PRKAR2B: variants seen among roughly 807,000 people sequenced by gnomAD.
PRKAR2B encodes the protein cAMP-dependent protein kinase type II-beta regulatory subunit.
A neutral mutation model predicts 49.9 loss-of-function variants in PRKAR2B; 14 were observed. That is an observed-to-expected ratio of 0.28 (90% CI 0.19 to 0.44). PRKAR2B has a LOEUF of 0.44. Among genes scored for constraint, PRKAR2B ranks in the 20% least tolerant of loss-of-function variants. The probability of loss-of-function intolerance (pLI) is 1.00; values close to 1 mark genes in which losing one functional copy is unlikely to be tolerated. For synonymous variants in PRKAR2B, 196 were observed against 197.7 expected, an observed-to-expected ratio of 0.99 and a Z score of 0.07; for missense variants, 393 against 537.9, an observed-to-expected ratio of 0.73 and a Z score of 2.67.
At chr7:107,059,261 T>C (rs1793979441) in intron 1 of PRKAR2B, among the ~76,000 whole-genome samples, 1 of 150,584 alleles carries the variant, frequency 6.6e-6, no homozygotes, top group South Asian at 2.1e-4. Context: ...AGAGTAAGAC[T>C]CTGTCTCAAA....
rs568982922 is a variant in PRKAR2B at position 107,072,385 on chromosome 7, T to G, written c.343+2069T>G. ...TTAATTATAAGAAAGAAAAGAGAAC[T>G]AATTTATGGAGTACCACTGATGGAT... On this transcript the variant is annotated intron_variant, in intron 2 of 10. Coordinates refer to ENST00000265717, the MANE Select transcript of PRKAR2B (RefSeq NM_002736.3). 1.4e-4 allele frequency among the ~76,000 whole-genome samples: 22 copies of G among 152,178 alleles called. No homozygotes were observed. In the South Asian group the frequency reaches 4.6e-3, roughly 32 times the overall value.
chr7:107,070,347 A>G (rs1276449954), intron 2 of PRKAR2B, 31 bp downstream of exon 2: 1 of 1,554,914 alleles, frequency 6.4e-7, no homozygotes, highest in Non-Finnish European at 8.8e-7. Context: ...GATTTTGTTT[A>G]TTAATGGTGA....
At chr7:107,155,715 A>C (rs1239036359) in intron 8 of PRKAR2B, among the ~76,000 whole-genome samples, 1 of 151,412 alleles carries the variant, frequency 6.6e-6, no homozygotes, top group Non-Finnish European at 1.5e-5. Context: ...CCCACTTTTT[A>C]ATGGCAGAAA....
In PRKAR2B at chr7:107,161,764, C is replaced by T. The variant is rs1347991523; in HGVS notation, c.*2182C>T. ...AGAATAACCAAATCAATCTGGCTAA[C>T]TAGGAATTTATGTGTAAAATTATCT... is the stretch of plus-strand genomic sequence containing the variant. On this transcript the variant is annotated 3_prime_UTR_variant, in exon 11 of 11. Transcript: ENST00000265717. 1 of 152,122 alleles carries T rather than the reference C, an allele frequency of 6.6e-6. No individual in the cohort carries two copies. The highest frequency in any genetic ancestry group is 2.4e-5 in the African/African-American group (1 of 41,428). The allele number at this position is 152,122 out of a possible 1,614,324, so 9.4% of individuals were successfully genotyped here.
intron 1 of PRKAR2B, among the ~76,000 whole-genome samples, chr7:107,058,152 T>A (rs1455204556): frequency 6.6e-6 from 1 of 152,214 alleles, no homozygotes; most frequent in Admixed American, 6.5e-5. Context: ...ATAGAGTAAA[T>A]AGATGTGTGT....
At chr7:107,144,053 CTTATTTATTTATTTATTTAT>C (rs60565381) in intron 5 of PRKAR2B, among the ~76,000 whole-genome samples, 44 of 143,516 alleles carry the variant, frequency 3.1e-4, no homozygotes, top group South Asian at 9.0e-4. Context: ...CAATTCTTTT[CTTATTTATTTATTTATTTAT>C]TTATTTATTT....
chr7:107,045,289 A>G, intron 1 of PRKAR2B, 75 bp downstream of exon 1: 1 of 1,283,002 alleles, frequency 7.8e-7, no homozygotes, highest in Admixed American at 3.1e-5. Context: ...GTGCTCTCGG[A>G]TCTTGCCGCT....
chr7:107,100,159 T>C (rs1426352408), intron 2 of PRKAR2B, among the ~76,000 whole-genome samples: 2 of 152,144 alleles, frequency 1.3e-5, no homozygotes, highest in Admixed American at 6.6e-5. Flanking sequence ...CTGAAAGAGT[T>C]CCTTTAATTC....
chr7:107,105,960 C>T (rs1334295542), intron 2 of PRKAR2B, among the ~76,000 whole-genome samples: 1 of 152,112 alleles, frequency 6.6e-6, no homozygotes, highest in Non-Finnish European at 1.5e-5. Context: ...CTCCAAAGGC[C>T]ATGTTTAAGA....
At chr7:107,126,420 CAAAAAAAAAAAA>C (rs35682952) in intron 3 of PRKAR2B, among the ~76,000 whole-genome samples, 2 of 38,392 alleles carry the variant, frequency 5.2e-5, no homozygotes, top group East Asian at 8.1e-4. Context: ...GAATCTGTCT[CAAAAAAAAAAAA>C]AAAAAAAAAA....
At chr7:107,103,342 A>G (rs1341824528) in intron 2 of PRKAR2B, among the ~76,000 whole-genome samples, 1 of 152,252 alleles carries the variant, frequency 6.6e-6, no homozygotes, top group Non-Finnish European at 1.5e-5. Context: ...TCACTCTTGT[A>G]ATAATATAGT....
intron 2 of PRKAR2B, among the ~76,000 whole-genome samples, chr7:107,089,857 A>G (rs1178300437): frequency 6.6e-6 from 1 of 152,242 alleles, no homozygotes; most frequent in African/African-American, 2.4e-5. Flanking sequence ...AGAACCACAC[A>G]TGATCCCTGA....
intron 5 of PRKAR2B, among the ~76,000 whole-genome samples, chr7:107,145,947 G>GC (rs1261611864): frequency 6.6e-6 from 1 of 151,092 alleles, no homozygotes; most frequent in Non-Finnish European, 1.5e-5. Context: ...CACCATGTTG[G>GC]CCAGGCTGGT....
At chr7:107,143,427 T>C (rs1439561608) in intron 5 of PRKAR2B, among the ~76,000 whole-genome samples, 1 of 152,202 alleles carries the variant, frequency 6.6e-6, no homozygotes, top group East Asian at 1.9e-4. Flanking sequence ...TTAATCAGAA[T>C]ATAGCATTGT....
chr7:107,097,913 C>T (rs1328613475), intron 2 of PRKAR2B, among the ~76,000 whole-genome samples: 2 of 152,170 alleles, frequency 1.3e-5, no homozygotes, highest in Non-Finnish European at 2.9e-5. Flanking sequence ...TTGTGGGTAA[C>T]CCGACCTTTC....
intron 1 of PRKAR2B, among the ~76,000 whole-genome samples, chr7:107,050,066 G>T (rs1229029514): frequency 6.6e-6 from 1 of 152,006 alleles, no homozygotes; most frequent in Non-Finnish European, 1.5e-5. Flanking sequence ...TTGAAATTGG[G>T]AAACCAAAAA....
In PRKAR2B at chr7:107,046,676, T is replaced by C. The variant is rs566409770; in HGVS notation, c.307+1462T>C. 2.0e-5 allele frequency among the ~76,000 whole-genome samples: 3 copies of C among 152,230 alleles called. No homozygotes were observed. In the South Asian group the frequency reaches 6.2e-4, roughly 32 times the overall value. On this transcript the variant is annotated intron_variant, in intron 1 of 10. Transcript: ENST00000265717. ...GAAAAGAATGCATGTTTTAAATAGG[T>C]AAGAAGCAGCAGCCAGTAACGGATG...
intron 2 of PRKAR2B, among the ~76,000 whole-genome samples, chr7:107,112,510 C>T (rs1044235779): frequency 6.6e-6 from 1 of 151,948 alleles, no homozygotes; most frequent in African/African-American, 2.4e-5. Context: ...GATTCCTATG[C>T]AGCCACTTAA....
At chr7:107,098,427 T>G (rs181915228) in intron 2 of PRKAR2B, among the ~76,000 whole-genome samples, 6 of 152,238 alleles carry the variant, frequency 3.9e-5, no homozygotes, top group Non-Finnish European at 8.8e-5. Flanking sequence ...TTTTTGAAGG[T>G]TTTTAGCTTC....
Sources: allele counts gnomAD v4.1 joint callset (sites outside exome capture counted in the v4.1 genomes callset), GRCh38; gene constraint gnomAD v4.1.1; transcripts MANE v1.5; gene names NCBI Gene and HGNC (gene_info 2026-07-23, HGNC 2026-07-21).